Variants in SEC31B observed in about 807,000 individuals in gnomAD.
The protein encoded by SEC31B is protein transport protein Sec31B.
In SEC31B, 113 loss-of-function variants were observed where a neutral mutation model predicts 135.0. That is an observed-to-expected ratio of 0.84 (90% CI 0.72 to 0.98). SEC31B has a LOEUF of 0.98. Ranked by LOEUF, SEC31B falls within the 50% of genes least tolerant of loss-of-function variation. SEC31B has a pLI of 0.00. For missense variants in SEC31B, 1,296 were observed against 1,421.1 expected, an observed-to-expected ratio of 0.91 and a Z score of 1.42; for synonymous variants, 508 against 549.4, an observed-to-expected ratio of 0.92 and a Z score of 1.05.
intron 5 of SEC31B, chr10:100,508,611 C>A (rs1239022544): frequency 1.9e-5 from 8 of 426,002 alleles, no homozygotes; most frequent in South Asian, 8.8e-5. Context: ...AAGCTGACCC[C>A]CCCCTCCATA....
intron 9 of SEC31B, 123 bp from the exon 10 acceptor site, chr10:100,505,618 C>T: frequency 6.9e-7 from 1 of 1,456,256 alleles, no homozygotes; most frequent in Non-Finnish European, 9.0e-7. Context: ...AGGTCAGACT[C>T]CCATATTCCA....
chr10:100,506,083 A>G lies in SEC31B; in HGVS notation c.1001T>C (p.Met334Thr). The change falls in exon 9 of 26, where the codon ATG becomes ACG. Residue 334 changes from methionine (M) to threonine (T), a missense_variant. Met to Thr is a moderately conservative substitution (Grantham distance 81). Coordinates refer to ENST00000370345, the MANE Select transcript of SEC31B (RefSeq NM_015490.4). ...FNGWISLYSVMGRSWEVQHMR... is the reference protein window; with the variant it reads ...FNGWISLYSVTGRSWEVQHMR... ...ATGCTGGACTTCCCAGCTCCTACCC[A>G]TCACAGAGTACAAACTGATCCAGCC... 1 of 1,614,122 alleles carries G rather than the reference A, an allele frequency of 6.2e-7. No individual in the cohort carries two copies. Among genetic ancestry groups the G allele is most frequent in the Non-Finnish European group, 8.5e-7 (1 of 1,179,998 alleles).
chr10:100,502,083 G>C (rs1274241940), intron 11 of SEC31B, among the ~76,000 whole-genome samples, 171 bp downstream of exon 11: 1 of 152,204 alleles, frequency 6.6e-6, no homozygotes, highest in Non-Finnish European at 1.5e-5. Flanking sequence ...CTGGTAAAGG[G>C]TGAACGTTTT....
intron 17 of SEC31B, among the ~76,000 whole-genome samples, chr10:100,496,749 T>C (rs1421267020): frequency 6.6e-6 from 1 of 152,206 alleles, no homozygotes; most frequent in Non-Finnish European, 1.5e-5. Flanking sequence ...GACTAATTGT[T>C]TCATGTGCGA....
At chr10:100,488,186 A>G (rs919757714) in intron 24 of SEC31B, 88 bp from the exon 25 acceptor site, 21 of 1,239,360 alleles carry the variant, frequency 1.7e-5, no homozygotes, top group East Asian at 4.7e-5. Context: ...TAGGCCGGGC[A>G]TGGTGGCTCA....
chr10:100,492,637 T>G (rs915299200), intron 19 of SEC31B, among the ~76,000 whole-genome samples: 4 of 152,212 alleles, frequency 2.6e-5, no homozygotes, highest in Non-Finnish European at 5.9e-5. Context: ...ATTTGCAGAT[T>G]TGTAGACAGC....
intron 3 of SEC31B, among the ~76,000 whole-genome samples, chr10:100,514,215 A>C (rs1218416153): frequency 6.6e-6 from 1 of 152,086 alleles, no homozygotes; most frequent in Non-Finnish European, 1.5e-5. Context: ...AAAGCCATTA[A>C]AATCTCTGCC....
At chr10:100,492,836 T>C (rs1014707492) in intron 19 of SEC31B, among the ~76,000 whole-genome samples, 4 of 152,184 alleles carry the variant, frequency 2.6e-5, no homozygotes, top group African/African-American at 9.7e-5. Flanking sequence ...TTAGTAGGCA[T>C]GAGCTGACAG....
At position 100,489,404 on chromosome 10, in the gene SEC31B, G is replaced by T; in HGVS notation, c.3025-6C>A. On this transcript the variant is annotated splice_region_variant and splice_polypyrimidine_tract_variant and intron_variant, in intron 22 of 25. Transcript: ENST00000370345. ...GGCATAAATGTCTCTGGCAGCTAAA[G>T]AGACAGAAGGAAAGACATGAGTCTA... 6.2e-7 allele frequency: 1 copy of T among 1,613,352 alleles called. No homozygotes were observed. Among genetic ancestry groups the T allele is most frequent in the South Asian group, 1.1e-5 (1 of 90,902 alleles).
rs1851860570 is a variant in SEC31B, at chr10:100,516,893, G to T, written c.60C>A (p.Tyr20Ter). 1.2e-6 allele frequency: 2 copies of T among 1,613,732 alleles called. No individual in the cohort carries two copies. Among genetic ancestry groups the T allele is most frequent in the Admixed American group, 1.7e-5 (1 of 59,992 alleles). ...CCATACCTGTGGCCAGATACAAAGGGTATTGGCTGGCTGGGCTCCATGCCT... is the reference window on the plus strand; with the variant it reads ...CCATACCTGTGGCCAGATACAAAGGTTATTGGCTGGCTGGGCTCCATGCCT... ...AVQAWSPASQ[Y>*]PLYLATGTSA... The change falls in exon 2 of 26, where the codon TAC (tyrosine) becomes TAA (stop). Residue 20 changes from tyrosine (Y) to a stop codon, truncating the protein, a stop_gained. Transcript: ENST00000370345. LOFTEE classifies it high-confidence loss of function.
rs1851281213 is a variant in SEC31B at position 100,490,461 on chromosome 10, A to G, written c.2651-139T>C. The G allele has an allele frequency of 2.9e-6, 3 of 1,031,162 alleles. No homozygotes were observed. The Admixed American group carries it at 9.5e-5, about 33-fold the overall frequency. 63.9% of individuals were successfully genotyped at this position (1,031,162 alleles called of 1,614,324 possible). ...GTATATGGAAATCTATAATTTACAAAATACTTTTAACTATATTCCTTATTT... is the reference window on the plus strand; with the variant it reads ...GTATATGGAAATCTATAATTTACAAGATACTTTTAACTATATTCCTTATTT... On this transcript the variant is annotated intron_variant, in intron 20 of 25. Coordinates refer to ENST00000370345, the MANE Select transcript of SEC31B (RefSeq NM_015490.4).
At chr10:100,517,328 C>T (rs188116193) in intron 1 of SEC31B, among the ~76,000 whole-genome samples, 5 of 152,308 alleles carry the variant, frequency 3.3e-5, no homozygotes, top group Admixed American at 6.5e-5. Flanking sequence ...ATCACCATCA[C>T]AAATCTCTCC....
intron 3 of SEC31B, among the ~76,000 whole-genome samples, chr10:100,514,685 C>T (rs1851795268): frequency 6.6e-6 from 1 of 152,088 alleles, no homozygotes; most frequent in Middle Eastern, 3.2e-3. Flanking sequence ...ACTTCCACCT[C>T]AATATTTTAA....
At position 100,497,697 on chromosome 10, in the gene SEC31B, A is replaced by G; in HGVS notation, c.1960T>C (p.Ser654Pro). ...AGCTCGGGAAATTTCTCTGTGCCTG[A>G]GTATGTCAGTAGCAAAGCCAGTGCC... ...REALALLLTYSGTEKFPELCD... is the reference protein window; with the variant it reads ...REALALLLTYPGTEKFPELCD... The change falls in exon 16 of 26, where the codon TCA becomes CCA. Residue 654 changes from serine (S) to proline (P), a missense_variant. Coordinates refer to ENST00000370345, the MANE Select transcript of SEC31B (RefSeq NM_015490.4). 6.2e-7 allele frequency: 1 copy of G among 1,614,186 alleles called. No homozygotes were observed. Among genetic ancestry groups the G allele is most frequent in the Non-Finnish European group, 8.5e-7 (1 of 1,180,034 alleles).
intron 3 of SEC31B, among the ~76,000 whole-genome samples, chr10:100,514,904 C>G (rs568538936): frequency 2.0e-5 from 3 of 149,908 alleles, no homozygotes; most frequent in African/African-American, 7.5e-5. Flanking sequence ...TCCCTTGAAC[C>G]TGGGAAACAG....
Position 100,509,066 on chromosome 10 carries a change from T to A in SEC31B, c.436A>T (p.Ile146Phe). The change falls in exon 5 of 26, where the codon ATC (isoleucine) becomes TTC (phenylalanine). Residue 146 changes from isoleucine to phenylalanine, a missense_variant. By Grantham distance (21) the Ile-to-Phe change is conservative. Transcript: ENST00000370345. ...AAGTTATTCAGATCCCAAATGAAGA[T>A]TTCAGAATCGCTGGCCCCTGAAGCC... ...LLASGASDSE[I>F]FIWDLNNLNV... is the part of the protein sequence containing the mutation. The A allele has an allele frequency of 6.2e-7, 1 of 1,614,114 alleles. No homozygotes were observed. Among genetic ancestry groups the A allele is most frequent in the Non-Finnish European group, 8.5e-7 (1 of 1,180,032 alleles).
intron 18 of SEC31B, among the ~76,000 whole-genome samples, 157 bp downstream of exon 18, chr10:100,496,101 C>G (rs1012605128): frequency 1.3e-5 from 2 of 152,234 alleles, no homozygotes; most frequent in Non-Finnish European, 2.9e-5. Context: ...TCATCAACAT[C>G]TGATCTTCCC....
At chr10:100,516,792 T>C in intron 2 of SEC31B, 82 bp downstream of exon 2, 3 of 1,049,236 alleles carry the variant, frequency 2.9e-6, no homozygotes, top group East Asian at 2.4e-5. Flanking sequence ...CTTTCTCTGA[T>C]GTTCAATAAA....
chr10:100,498,467 T>G, intron 14 of SEC31B: 1 of 601,892 alleles, frequency 1.7e-6, no homozygotes, highest in Non-Finnish European at 2.9e-6. Flanking sequence ...AGGGCCACAG[T>G]CCTTTCAGCA....
Sources: allele counts gnomAD v4.1 joint callset (sites outside exome capture counted in the v4.1 genomes callset), GRCh38; gene constraint gnomAD v4.1.1; transcripts MANE v1.5; gene names NCBI Gene and HGNC (gene_info 2026-07-23, HGNC 2026-07-21).